Variants in MCUR1 observed in about 807,000 individuals in gnomAD.
MCUR1 encodes the protein mitochondrial calcium uniporter regulator 1, also known as MCU regulator 1.
A neutral mutation model predicts 42.0 loss-of-function variants in MCUR1; 37 were observed. The ratio of observed to expected loss-of-function variants is 0.88; its 90% CI spans 0.68 to 1.16. MCUR1 has a LOEUF of 1.16. MCUR1 is among the 50% of genes most tolerant of loss of function. MCUR1 has a pLI of 0.00. For synonymous variants in MCUR1, 229 were observed against 196.2 expected (o/e 1.17, Z -1.40); for missense variants, 469 against 468.4 (o/e 1.00, Z -0.01).
chr6:13,795,119 A>C (rs150971925), intron 6 of MCUR1, among the ~76,000 whole-genome samples: 33 of 148,826 alleles, frequency 2.2e-4, no homozygotes, highest in African/African-American at 8.3e-4. Context: ...GGAGCTTAGA[A>C]GTAGAAAAAA....
At chr6:13,807,652 G>A (rs1760139575) in intron 1 of MCUR1, among the ~76,000 whole-genome samples, 1 of 152,178 alleles carries the variant, frequency 6.6e-6, no homozygotes, top group African/African-American at 2.4e-5. Flanking sequence ...CTTAGGAGTA[G>A]AATTGCTGGA....
chr6:13,808,425 A>G (rs193196114), intron 1 of MCUR1, among the ~76,000 whole-genome samples: 17 of 152,026 alleles, frequency 1.1e-4, no homozygotes, highest in Non-Finnish European at 2.9e-5. Context: ...ATTTGAAAAT[A>G]TTTTCTCCCA....
At chr6:13,792,462 C>A (rs370058841) in intron 7 of MCUR1, among the ~76,000 whole-genome samples, 1 of 152,118 alleles carries the variant, frequency 6.6e-6, no homozygotes, top group Admixed American at 6.5e-5. Flanking sequence ...AATGTGAAAG[C>A]GGCAGTGCTT....
intron 2 of MCUR1, among the ~76,000 whole-genome samples, chr6:13,802,621 T>C (rs1395247403): frequency 6.6e-6 from 1 of 152,196 alleles, no homozygotes; most frequent in Non-Finnish European, 1.5e-5. Flanking sequence ...GACTATTTAA[T>C]GACATAGACA....
intron 1 of MCUR1, among the ~76,000 whole-genome samples, chr6:13,807,668 T>C (rs564472781): frequency 3.9e-5 from 6 of 152,226 alleles, no homozygotes; most frequent in Non-Finnish European, 7.3e-5. Flanking sequence ...CTGGATCATA[T>C]GATAACTCCA....
At position 13,788,810 on chromosome 6, in the gene MCUR1, T is replaced by C. The variant is rs1363893050; in HGVS notation, c.*1999A>G. 6.6e-6 allele frequency: 1 copy of C among 152,244 alleles called. No homozygotes were observed. The highest frequency in any genetic ancestry group is 1.5e-5 in the Non-Finnish European group (1 of 68,054). 9.4% of individuals were successfully genotyped at this position (152,244 alleles called of 1,614,324 possible). A position where few individuals can be genotyped will look rare whatever the true frequency, so the allele number is the denominator to read the frequency against. ...TAATATTTCACTTTGAAACTGCTAT[T>C]GCTCATGCAAAAGTACTTGATTTTC... On this transcript the variant is annotated 3_prime_UTR_variant, in exon 9 of 9. Transcript: ENST00000379170.
rs918152906 is a variant in MCUR1, at chr6:13,814,006, G to A, written c.415+9C>T. On this transcript the variant is annotated intron_variant, in intron 1 of 8. Coordinates refer to ENST00000379170, the MANE Select transcript of MCUR1 (RefSeq NM_001031713.4). ...ACGAGCCCCCTCTCCTCTCCCGCCC[G>A]GGCCTCACCTCTCCTGCAGGAAACG... is the stretch of plus-strand genomic sequence containing the variant. The A allele has an allele frequency of 3.2e-6, 4 of 1,231,758 alleles. No homozygotes were observed. The highest frequency in any genetic ancestry group is 4.1e-6 in the Non-Finnish European group (4 of 987,136). The allele number at this position is 1,231,758 out of a possible 1,614,324, so 76.3% of individuals were successfully genotyped here. A position where few individuals can be genotyped will look rare whatever the true frequency, so the allele number is the denominator to read the frequency against.
At chr6:13,801,607 G>A (rs1402633643) in intron 3 of MCUR1, among the ~76,000 whole-genome samples, 1 of 152,026 alleles carries the variant, frequency 6.6e-6, no homozygotes, top group East Asian at 1.9e-4. Flanking sequence ...CCCAATACCT[G>A]GGGAGGCCAA....
In MCUR1 at chr6:13,806,997, C is replaced by A; in HGVS notation, c.463G>T (p.Asp155Tyr). 2 of 1,613,614 alleles carry A rather than the reference C, an allele frequency of 1.2e-6. No individual in the cohort carries two copies. Among genetic ancestry groups the A allele is most frequent in the Non-Finnish European group, 1.7e-6 (2 of 1,179,688 alleles). ...TTCCTGCTCCCAGAAGAGGTGAAAT[C>A]TCTCCTTTTGCGCTCCAGCTGCAGG... ...GSLQLERKRR[D>Y]FTSSGSRKLY... Residue 155 changes from aspartate (D) to tyrosine (Y), a missense_variant, in exon 2 of 9, where the codon GAT becomes TAT. Coordinates refer to ENST00000379170, the MANE Select transcript of MCUR1 (RefSeq NM_001031713.4).
intron 2 of MCUR1, among the ~76,000 whole-genome samples, chr6:13,806,099 C>T (rs1217340728): frequency 6.6e-6 from 1 of 151,856 alleles, no homozygotes; most frequent in Non-Finnish European, 1.5e-5. Context: ...ATGAAAAACA[C>T]AAAAATTAGC....
chr6:13,799,310 G>A (rs1034737309), intron 5 of MCUR1, among the ~76,000 whole-genome samples: 2 of 151,850 alleles, frequency 1.3e-5, no homozygotes, highest in African/African-American at 2.4e-5. Flanking sequence ...CCAGCCTCCT[G>A]AGTAGCTGGG....
chr6:13,800,320 A>C (rs779364713), intron 5 of MCUR1, 21 bp downstream of exon 5: 2 of 1,541,102 alleles, frequency 1.3e-6, no homozygotes, highest in African/African-American at 2.8e-5. Flanking sequence ...ACCAGCCAAC[A>C]AACAGGAAAG....
At chr6:13,809,834 T>C (rs904227409) in intron 1 of MCUR1, among the ~76,000 whole-genome samples, 86 of 147,598 alleles carry the variant, frequency 5.8e-4, no homozygotes, top group African/African-American at 2.0e-3. Flanking sequence ...AGCCCAGGAG[T>C]TTGAGGCTGC....
chr6:13,804,814 A>AAAAAAAAAAAAAAAAG (rs1230089057), intron 2 of MCUR1, among the ~76,000 whole-genome samples: 2 of 148,804 alleles, frequency 1.3e-5, no homozygotes, highest in African/African-American at 5.0e-5. Flanking sequence ...AAAAAAAAAA[A>AAAAAAAAAAAAAAAAG]GTGGAAGTCT....
rs977878372 is a variant in MCUR1, at chr6:13,813,937, G to A, written c.415+78C>T. The A allele has an allele frequency of 8.2e-6, 10 of 1,212,926 alleles. No homozygotes were observed. In the African/African-American group the frequency reaches 1.4e-4, roughly 17 times the overall value. 75.1% of individuals were successfully genotyped at this position (1,212,926 alleles called of 1,614,324 possible). On this transcript the variant is annotated intron_variant, in intron 1 of 8. Transcript: ENST00000379170. ...CCGGCCTGCCGGGCCTTTCCTCGGG[G>A]AGGCTGTAGCTGAGATCCCCGCCCC...
intron 5 of MCUR1, among the ~76,000 whole-genome samples, chr6:13,799,807 TC>T (rs1335048434): frequency 5.3e-5 from 8 of 150,362 alleles, no homozygotes; most frequent in Non-Finnish European, 1.5e-5. Flanking sequence ...ATGACTTAAT[TC>T]CTCCTAGAAC....
intron 2 of MCUR1, chr6:13,803,749 A>G (rs1367918974): frequency 1.0e-6 from 1 of 984,894 alleles, no homozygotes; most frequent in Non-Finnish European, 1.2e-6. Flanking sequence ...AACATTGTTT[A>G]GCTCTGACTC....
chr6:13,803,785 C>G, intron 2 of MCUR1: 1 of 985,342 alleles, frequency 1.0e-6, no homozygotes, highest in Non-Finnish European at 1.2e-6. Context: ...CGTCTGTCTT[C>G]CTAGTTTTTA....
intron 5 of MCUR1, 66 bp from the exon 6 acceptor site, chr6:13,798,970 G>A (rs994187809): frequency 6.4e-6 from 6 of 943,522 alleles, no homozygotes; most frequent in African/African-American, 3.2e-5. Flanking sequence ...CTATGAGGAC[G>A]TGACACTGGG....
Sources: allele counts gnomAD v4.1 joint callset (sites outside exome capture counted in the v4.1 genomes callset), GRCh38; gene constraint gnomAD v4.1.1; transcripts MANE v1.5; gene names NCBI Gene and HGNC (gene_info 2026-07-23, HGNC 2026-07-21).